Variants in ARL13B observed in about 807,000 individuals in gnomAD.
The protein encoded by ARL13B is ADP-ribosylation factor-like protein 13B.
In ARL13B, 36 loss-of-function variants were observed where a neutral mutation model predicts 56.1. The observed-to-expected ratio is 0.64, with a 90% CI of 0.49 to 0.85. ARL13B has a LOEUF of 0.85. Among genes scored for constraint, ARL13B ranks in the 40% least tolerant of loss-of-function variants. The pLI is 0.00. For missense variants in ARL13B, 519 were observed against 507.1 expected, an observed-to-expected ratio of 1.02 and a Z score of -0.23; for synonymous variants, 178 against 171.1, an observed-to-expected ratio of 1.04 and a Z score of -0.32.
At chr3:94,026,973 C>T (rs1030058477) in intron 3 of ARL13B, among the ~76,000 whole-genome samples, 1 of 152,206 alleles carries the variant, frequency 6.6e-6, no homozygotes, top group South Asian at 2.1e-4. Context: ...TGCCCTATTA[C>T]AGACACTGAA....
intron 3 of ARL13B, among the ~76,000 whole-genome samples, chr3:94,024,253 G>C (rs2076509273): frequency 6.6e-6 from 1 of 152,132 alleles, no homozygotes; most frequent in Non-Finnish European, 1.5e-5. Context: ...AGCATATATA[G>C]CTGAAGTGCT....
intron 2 of ARL13B, among the ~76,000 whole-genome samples, chr3:94,001,473 A>G (rs779719895): frequency 2.0e-5 from 3 of 152,198 alleles, no homozygotes; most frequent in Non-Finnish European, 4.4e-5. Context: ...CTCACAATGA[A>G]GTCTTCATTT....
intron 3 of ARL13B, chr3:94,014,985 T>G: frequency 1.9e-6 from 3 of 1,614,082 alleles, no homozygotes; most frequent in Non-Finnish European, 2.5e-6. Flanking sequence ...TTATCTCCTT[T>G]GTAATGGTAG....
At chr3:94,045,837 G>T (rs2076972412) in intron 7 of ARL13B, among the ~76,000 whole-genome samples, 1 of 151,002 alleles carries the variant, frequency 6.6e-6, no homozygotes, top group Non-Finnish European at 1.5e-5. Flanking sequence ...TGTGGTCCCA[G>T]CTACTCAGGA....
At chr3:93,991,376 G>T (rs1170796211) in intron 1 of ARL13B, among the ~76,000 whole-genome samples, 1 of 152,134 alleles carries the variant, frequency 6.6e-6, no homozygotes, top group African/African-American at 2.4e-5. Context: ...GTGCATGCAT[G>T]TACGAATGAA....
At chr3:94,009,702 C>T (rs764448113) in intron 3 of ARL13B, among the ~76,000 whole-genome samples, 1 of 152,162 alleles carries the variant, frequency 6.6e-6, no homozygotes, top group Non-Finnish European at 1.5e-5. Context: ...AGATTTCTCT[C>T]CTTTCAGTGG....
chr3:94,004,001 A>G, intron 3 of ARL13B, 93 bp downstream of exon 3: 1 of 1,566,710 alleles, frequency 6.4e-7, no homozygotes, highest in Non-Finnish European at 8.7e-7. Flanking sequence ...AAGCTAAAAT[A>G]GTCACGCTTT....
intron 3 of ARL13B, among the ~76,000 whole-genome samples, chr3:94,005,192 TAAC>T (rs2076114746): frequency 6.6e-6 from 1 of 152,082 alleles, no homozygotes; most frequent in Non-Finnish European, 1.5e-5. Flanking sequence ...GGAATAAAAA[TAAC>T]AAAAATCCAA....
chr3:94,048,435 A>G (rs533197690), intron 7 of ARL13B, among the ~76,000 whole-genome samples: 159 of 152,348 alleles, frequency 1.0e-3, no homozygotes, highest in South Asian at 2.3e-3. Context: ...AGATTTCCTT[A>G]AAGTGTTTAT....
chr3:93,986,936 C>CA (rs1710497794), intron 1 of ARL13B, among the ~76,000 whole-genome samples: 1 of 150,754 alleles, frequency 6.6e-6, no homozygotes, highest in South Asian at 2.1e-4. Flanking sequence ...CGCCACTGCA[C>CA]ACTCCAGCCT....
In ARL13B at chr3:93,997,711, C is replaced by T. The variant is rs1348677123; in HGVS notation, c.130+1767C>T. Among the ~76,000 whole-genome samples the T allele has an allele frequency of 9.9e-5, 15 of 152,226 alleles. No individual in the cohort carries two copies. The South Asian group carries it at 2.9e-3, about 29-fold the overall frequency. On this transcript the variant is annotated intron_variant, in intron 2 of 9. Transcript: ENST00000394222. Reference sequence around the variant, plus strand: ...AGACCATCTGCATACATGCTGGGCACGGTGGCTCACACCTGTAATAATCCC... The same window carrying T: ...AGACCATCTGCATACATGCTGGGCATGGTGGCTCACACCTGTAATAATCCC...
chr3:94,020,432 C>G (rs1470326781), intron 3 of ARL13B, among the ~76,000 whole-genome samples: 1 of 152,138 alleles, frequency 6.6e-6, no homozygotes, highest in South Asian at 2.1e-4. Flanking sequence ...AAGGACTCAA[C>G]TCTTTATACG....
rs776439215 is a variant in ARL13B at position 93,980,265 on chromosome 3, C to T, written c.-159C>T. ...TCGCGGACCCACGCGGTTAGCAAGGCTTAGTGCTCGGGCCGGCCGCCTTCA... is the reference window on the plus strand; with the variant it reads ...TCGCGGACCCACGCGGTTAGCAAGGTTTAGTGCTCGGGCCGGCCGCCTTCA... On this transcript the variant is annotated 5_prime_UTR_variant, in exon 1 of 10. Transcript: ENST00000394222. 2 of 909,150 alleles carry T rather than the reference C, an allele frequency of 2.2e-6. No homozygotes were observed. Among genetic ancestry groups the T allele is most frequent in the Admixed American group, 3.9e-5 (2 of 51,518 alleles). The allele number at this position is 909,150 out of a possible 1,614,324, so 56.3% of individuals were successfully genotyped here. A position where few individuals can be genotyped will look rare whatever the true frequency, so the allele number is the denominator to read the frequency against.
At chr3:94,014,801 C>G (rs1485503483) in intron 3 of ARL13B, 1 of 1,613,906 alleles carries the variant, frequency 6.2e-7, no homozygotes, top group Non-Finnish European at 8.5e-7. Context: ...TCTTGCTTTG[C>G]TGCTATTGTG....
At position 94,055,204 on chromosome 3, in the gene ARL13B, A is replaced by G. The variant is rs1302657437; in HGVS notation, c.*1941A>G. The G allele has an allele frequency of 5.2e-6, 2 of 384,246 alleles. No homozygotes were observed. The highest frequency in any genetic ancestry group is 1.5e-4 in the East Asian group (2 of 13,272). 23.8% of individuals were successfully genotyped at this position (384,246 alleles called of 1,614,324 possible). ...GGTGTATTTTAACAATTAAATGCCTATTTTGTTATATGTTATACTTTTATT... is the reference window on the plus strand; with the variant it reads ...GGTGTATTTTAACAATTAAATGCCTGTTTTGTTATATGTTATACTTTTATT... On this transcript the variant is annotated 3_prime_UTR_variant, in exon 10 of 10. Transcript: ENST00000394222.
At chr3:94,034,522 T>A (rs904890082) in intron 3 of ARL13B, among the ~76,000 whole-genome samples, 6 of 150,778 alleles carry the variant, frequency 4.0e-5, no homozygotes, top group South Asian at 2.1e-4. Flanking sequence ...TTTTTTTTTT[T>A]AATTCCCAGT....
intron 7 of ARL13B, among the ~76,000 whole-genome samples, chr3:94,043,952 T>C (rs1012208444): frequency 2.6e-5 from 4 of 151,644 alleles, no homozygotes; most frequent in Non-Finnish European, 4.4e-5. Flanking sequence ...TCTCGCTCAC[T>C]CAACGCTCAA....
chr3:93,981,364 A>G (rs533161318), intron 1 of ARL13B, among the ~76,000 whole-genome samples: 2 of 152,220 alleles, frequency 1.3e-5, no homozygotes, highest in Non-Finnish European at 2.9e-5. Flanking sequence ...GATAAAGCAA[A>G]GTTGTTTTTT....
intron 6 of ARL13B, 82 bp downstream of exon 6, chr3:94,040,070 A>T: frequency 8.4e-7 from 1 of 1,190,758 alleles, no homozygotes; most frequent in Non-Finnish European, 1.2e-6. Context: ...TTGGGAAAGG[A>T]GGCAGGGAAA....
Sources: allele counts gnomAD v4.1 joint callset (sites outside exome capture counted in the v4.1 genomes callset), GRCh38; gene constraint gnomAD v4.1.1; transcripts MANE v1.5; gene names NCBI Gene and HGNC (gene_info 2026-07-23, HGNC 2026-07-21).